FMNL3: variants seen among roughly 807,000 people sequenced by gnomAD.
FMNL3 encodes the protein formin-like protein 3.
FMNL3 carries 57 observed loss-of-function variants against 119.6 expected under a neutral mutation model. The ratio of observed to expected loss-of-function variants is 0.48; its 90% confidence interval spans 0.39 to 0.59. FMNL3 has a LOEUF of 0.59. Ranked by LOEUF, FMNL3 falls within the 20% of genes least tolerant of loss-of-function variation. The pLI, the probability that FMNL3 is intolerant of heterozygous loss-of-function variation, is 0.00. For synonymous variants in FMNL3, 491 were observed against 507.3 expected, an observed-to-expected ratio of 0.97 and a Z score of 0.43; for missense variants, 1,053 against 1,323.5, an observed-to-expected ratio of 0.80 and a Z score of 3.17.
At chr12:49,667,697 A>G (rs992507413) in intron 2 of FMNL3, among the ~76,000 whole-genome samples, 1 of 152,216 alleles carries the variant, frequency 6.6e-6, no homozygotes, top group Non-Finnish European at 1.5e-5. Flanking sequence ...CTTGGTCCAT[A>G]ACAAGCACTC....
At chr12:49,692,727 A>G (rs912571953) in intron 1 of FMNL3, among the ~76,000 whole-genome samples, 1 of 152,220 alleles carries the variant, frequency 6.6e-6, no homozygotes, top group Non-Finnish European at 1.5e-5. Flanking sequence ...ATAAGCAAAC[A>G]TAATGTCCCC....
At position 49,639,030 on chromosome 12, in the gene FMNL3, TGAG is replaced by T. The variant is rs1362105695; in HGVS notation, c.*6782_*6784del. ...TTAGGTAAGATGTATCATACTGTCC[TGAG>T]GTATCCTCTCTTTCTCTGGAACCAC... is the stretch of plus-strand genomic sequence containing the variant. On this transcript the variant is annotated 3_prime_UTR_variant, in exon 26 of 26. Transcript: ENST00000335154. 2 of 152,266 alleles carry T rather than the reference TGAG, an allele frequency of 1.3e-5. No homozygotes were observed. The highest frequency in any genetic ancestry group is 2.9e-5 in the Non-Finnish European group (2 of 68,044). The allele number at this position is 152,266 out of a possible 1,614,324, so 9.4% of individuals were successfully genotyped here. A position where few individuals can be genotyped will look rare whatever the true frequency, so the allele number is the denominator to read the frequency against.
At chr12:49,702,722 T>G (rs1364694064) in intron 1 of FMNL3, among the ~76,000 whole-genome samples, 1 of 152,082 alleles carries the variant, frequency 6.6e-6, no homozygotes, top group Admixed American at 6.5e-5. Flanking sequence ...GTCTAGGGTC[T>G]TCTCTGTGGG....
rs943016929 is a variant in FMNL3, at chr12:49,674,934, A to T, written c.127-6380T>A. ...GGAAGTCAGATGAAGGAGAGGTCCT[A>T]AAAGGCCAGCATCATTCAAACAAAG... On this transcript the variant is annotated intron_variant, in intron 1 of 25. Coordinates refer to ENST00000335154, the MANE Select transcript of FMNL3 (RefSeq NM_175736.5). Among the ~76,000 whole-genome samples the T allele has an allele frequency of 2.0e-5, 3 of 152,354 alleles. No homozygotes were observed. The South Asian group carries it at 6.2e-4, about 32-fold the overall frequency.
chr12:49,644,271 T>C lies in FMNL3; in HGVS notation c.*1544A>G, dbSNP rs1362407224. Reference sequence around the variant, plus strand: ...ACCCTCACCGTCTGCCTCAGACTTCTTCCTTAGTCTGGTCTGTGTCCACTT... The same window carrying C: ...ACCCTCACCGTCTGCCTCAGACTTCCTCCTTAGTCTGGTCTGTGTCCACTT... On this transcript the variant is annotated 3_prime_UTR_variant, in exon 26 of 26. Coordinates refer to ENST00000335154, the MANE Select transcript of FMNL3 (RefSeq NM_175736.5). 3.4e-6 allele frequency: 5 copies of C among 1,487,138 alleles called. No individual in the cohort carries two copies. The highest frequency in any genetic ancestry group is 2.8e-5 in the African/African-American group (2 of 72,222). 92.1% of individuals were successfully genotyped at this position (1,487,138 alleles called of 1,614,324 possible).
At chr12:49,666,490 A>C (rs1943893976) in intron 2 of FMNL3, among the ~76,000 whole-genome samples, 1 of 152,198 alleles carries the variant, frequency 6.6e-6, no homozygotes, top group Non-Finnish European at 1.5e-5. Context: ...TGCTACAAAG[A>C]TGTTGGGGAT....
rs1945080035 is a variant in FMNL3 at position 49,707,380 on chromosome 12, C to T, written c.-200G>A. ...GGGCGGAGGCAGCGTAGCGGACAGC[C>T]GCACCGAAGCAAGGCGGACGGAGGC... is the stretch of plus-strand genomic sequence containing the variant. On this transcript the variant is annotated 5_prime_UTR_variant, in exon 1 of 26. Coordinates refer to ENST00000335154, the MANE Select transcript of FMNL3 (RefSeq NM_175736.5). The T allele has an allele frequency of 9.6e-6, 4 of 416,628 alleles. No individual in the cohort carries two copies. Among genetic ancestry groups the T allele is most frequent in the Non-Finnish European group, 1.7e-5 (4 of 240,966 alleles). 25.8% of individuals were successfully genotyped at this position (416,628 alleles called of 1,614,324 possible).
At chr12:49,657,709 G>A (rs559315677) in intron 6 of FMNL3, among the ~76,000 whole-genome samples, 11 of 152,312 alleles carry the variant, frequency 7.2e-5, no homozygotes, top group Admixed American at 7.2e-4. Context: ...ATGGAAAAGG[G>A]AGGAGACACA....
At position 49,638,121 on chromosome 12, in the gene FMNL3, T is replaced by G; in HGVS notation, c.*7694A>C. The G allele has an allele frequency of 2.8e-6, 1 of 363,370 alleles. No individual in the cohort carries two copies. Among genetic ancestry groups the G allele is most frequent in the South Asian group, 3.2e-5 (1 of 31,442 alleles). 22.5% of individuals were successfully genotyped at this position (363,370 alleles called of 1,614,324 possible). A position where few individuals can be genotyped will look rare whatever the true frequency, so the allele number is the denominator to read the frequency against. ...AACTGTGCATTTAGAAATTTGTAGG[T>G]GGAAGAGGTTGGAGTGTACACGGGG... On this transcript the variant is annotated 3_prime_UTR_variant, in exon 26 of 26. Coordinates refer to ENST00000335154, the MANE Select transcript of FMNL3 (RefSeq NM_175736.5).
chr12:49,647,811 A>C lies in FMNL3; in HGVS notation c.2677-7T>G, dbSNP rs760804135. On this transcript the variant is annotated splice_polypyrimidine_tract_variant and splice_region_variant and intron_variant, in intron 22 of 25. Transcript: ENST00000335154. The surrounding 1 kb of genome is among the most constrained non-coding windows in gnomAD (Gnocchi z 4.9). ...CAACTGCATTGTAGGCCTCCTGGGG[A>C]AGGGGTGGGCAGAATGGGTCACCCT... 5 of 1,611,484 alleles carry C rather than the reference A, an allele frequency of 3.1e-6. No individual in the cohort carries two copies. Among genetic ancestry groups the C allele is most frequent in the Non-Finnish European group, 4.2e-6 (5 of 1,177,688 alleles).
At chr12:49,665,378 G>A (rs921920062) in intron 4 of FMNL3, among the ~76,000 whole-genome samples, 2 of 152,154 alleles carry the variant, frequency 1.3e-5, no homozygotes, top group Non-Finnish European at 2.9e-5. Context: ...CATGAACTAA[G>A]ATTATCTTCT....
At chr12:49,704,355 T>C (rs937724705) in intron 1 of FMNL3, among the ~76,000 whole-genome samples, 4 of 151,940 alleles carry the variant, frequency 2.6e-5, no homozygotes, top group East Asian at 1.9e-4. Flanking sequence ...AAGCTGACAA[T>C]CTAGGAAAGA....
At chr12:49,683,138 C>T (rs1944378196) in intron 1 of FMNL3, among the ~76,000 whole-genome samples, 1 of 152,188 alleles carries the variant, frequency 6.6e-6, no homozygotes, top group South Asian at 2.1e-4. Flanking sequence ...TACATAAGTC[C>T]TAGGAGTTGT....
At chr12:49,664,662 G>C (rs1053058715) in intron 4 of FMNL3, among the ~76,000 whole-genome samples, 2 of 152,184 alleles carry the variant, frequency 1.3e-5, no homozygotes, top group Non-Finnish European at 2.9e-5. Context: ...TTCAATGTCT[G>C]ATTCACAGAT....
chr12:49,664,470 G>A (rs747079210), intron 4 of FMNL3, among the ~76,000 whole-genome samples: 2 of 152,134 alleles, frequency 1.3e-5, no homozygotes, highest in Non-Finnish European at 2.9e-5. Flanking sequence ...ATGGAGGAAT[G>A]CGGAGTGGTA....
intron 1 of FMNL3, among the ~76,000 whole-genome samples, chr12:49,704,497 G>A (rs1208361887): frequency 6.6e-6 from 1 of 152,046 alleles, no homozygotes; most frequent in African/African-American, 2.4e-5. Context: ...GATCACCTGA[G>A]GTCAGGAGTT....
chr12:49,705,687 G>A (rs1383584270), intron 1 of FMNL3, among the ~76,000 whole-genome samples: 3 of 152,200 alleles, frequency 2.0e-5, no homozygotes, highest in Non-Finnish European at 4.4e-5. Context: ...TGACTCACCC[G>A]ATCCCCCGAG....
intron 1 of FMNL3, among the ~76,000 whole-genome samples, chr12:49,700,340 C>A (rs1261032420): frequency 7.1e-6 from 1 of 141,230 alleles, no homozygotes; most frequent in African/African-American, 2.7e-5. Context: ...TGTAGTGAGC[C>A]GAGATCGAGC....
At chr12:49,675,050 T>C (rs192414794) in intron 1 of FMNL3, among the ~76,000 whole-genome samples, 5 of 152,316 alleles carry the variant, frequency 3.3e-5, no homozygotes, top group African/African-American at 1.2e-4. Context: ...GCAAAGGATA[T>C]TGGCCATGTC....
Sources: gnomAD v4.1 joint callset for allele counts (sites outside exome capture counted in the v4.1 genomes callset) on GRCh38, gnomAD v4.1.1 for gene constraint, Gnocchi (gnomAD v3.1) non-coding constraint, MANE v1.5 for transcripts, NCBI Gene and HGNC (gene_info 2026-07-23, HGNC 2026-07-21) for gene names.